OXR1: variants seen among roughly 807,000 people sequenced by gnomAD.
The protein encoded by OXR1 is oxidation resistance 1, also known as oxidation resistance protein 1.
OXR1 carries 41 observed loss-of-function variants against 104.6 expected under a neutral mutation model. That is an observed-to-expected ratio of 0.39 (90% CI 0.31 to 0.51). The LOEUF is 0.51. OXR1 is among the 20% of genes least tolerant of loss of function. The pLI is 0.77. For synonymous variants in OXR1, 348 were observed against 348.4 expected (o/e 1.00, Z 0.01); for missense variants, 955 against 1,031.9 (o/e 0.93, Z 1.02).
intron 2 of OXR1, among the ~76,000 whole-genome samples, chr8:106,419,635 G>C (rs946274769): frequency 1.3e-5 from 2 of 152,152 alleles, no homozygotes; most frequent in Non-Finnish European, 2.9e-5. Flanking sequence ...CCCCAGCTCT[G>C]TGTTCCTCTG....
intron 3 of OXR1, among the ~76,000 whole-genome samples, chr8:106,549,609 G>C (rs1032963155): frequency 1.3e-5 from 2 of 152,154 alleles, no homozygotes; most frequent in African/African-American, 4.8e-5. Flanking sequence ...CAACAGAAAT[G>C]TATTTTTCAT....
intron 2 of OXR1, among the ~76,000 whole-genome samples, chr8:106,412,225 G>T (rs750888456): frequency 6.6e-6 from 1 of 151,646 alleles, no homozygotes; most frequent in Non-Finnish European, 1.5e-5. Context: ...GACTATATCT[G>T]GCTGCCCCAG....
At chr8:106,742,686 A>C (rs1835021542) in intron 15 of OXR1, among the ~76,000 whole-genome samples, 1 of 152,204 alleles carries the variant, frequency 6.6e-6, no homozygotes, top group African/African-American at 2.4e-5. Context: ...TGACAAAAAT[A>C]AGCAATAGGG....
intron 2 of OXR1, among the ~76,000 whole-genome samples, chr8:106,368,664 G>T (rs1019629716): frequency 2.6e-5 from 4 of 151,766 alleles, no homozygotes; most frequent in Non-Finnish European, 5.9e-5. Flanking sequence ...TTGGTTTTCT[G>T]TTCCTGTGTT....
intron 3 of OXR1, among the ~76,000 whole-genome samples, chr8:106,648,376 C>T (rs1262006916): frequency 1.3e-5 from 2 of 152,162 alleles, no homozygotes; most frequent in Admixed American, 6.5e-5. Flanking sequence ...ATTCATCTAA[C>T]AATTAAGAAA....
At chr8:106,526,587 G>T (rs1433081057) in intron 3 of OXR1, among the ~76,000 whole-genome samples, 1 of 152,232 alleles carries the variant, frequency 6.6e-6, no homozygotes, top group Non-Finnish European at 1.5e-5. Context: ...CTGTCGCCCA[G>T]GCTGGAGTGC....
In OXR1 at chr8:106,379,764, A is replaced by G. The variant is rs541412702; in HGVS notation, c.23+20128A>G. ...CACCAAGTTGGCCAGGGTGGTCTCG[A>G]ACTCCTGGCCTCATGTGATCCATCT... On this transcript the variant is annotated intron_variant, in intron 2 of 16. Coordinates refer to ENST00000517566, the MANE Select transcript of OXR1 (RefSeq NM_001198533.2). Among the ~76,000 whole-genome samples, 10 of 151,920 alleles carry G rather than the reference A, an allele frequency of 6.6e-5. No individual in the cohort carries two copies. In the South Asian group the frequency reaches 2.1e-3, roughly 32 times the overall value.
intron 2 of OXR1, among the ~76,000 whole-genome samples, chr8:106,442,557 TC>T (rs1468261075): frequency 1.3e-5 from 2 of 152,148 alleles, no homozygotes; most frequent in African/African-American, 4.8e-5. Flanking sequence ...GGCTTTTTTT[TC>T]GTTGGTAGGC....
At chr8:106,532,849 G>A (rs1814196781) in intron 3 of OXR1, among the ~76,000 whole-genome samples, 1 of 152,114 alleles carries the variant, frequency 6.6e-6, no homozygotes, top group Non-Finnish European at 1.5e-5. Flanking sequence ...GAGTGTTGAA[G>A]CTATATGCCT....
chr8:106,679,145 A>T (rs1827896238), intron 3 of OXR1, 65 bp from the exon 4 acceptor site: 1 of 924,442 alleles, frequency 1.1e-6, no homozygotes, highest in Non-Finnish European at 1.8e-6. Flanking sequence ...AGCTCTATTC[A>T]GTAGTCCTTG....
chr8:106,434,352 T>C (rs966448087), intron 2 of OXR1, among the ~76,000 whole-genome samples: 4 of 152,192 alleles, frequency 2.6e-5, no homozygotes, highest in East Asian at 1.9e-4. Flanking sequence ...AAAAAGCTAA[T>C]TTTGTGACAG....
chr8:106,465,238 G>T (rs558268272), intron 2 of OXR1, among the ~76,000 whole-genome samples: 1 of 151,940 alleles, frequency 6.6e-6, no homozygotes, highest in Non-Finnish European at 1.5e-5. Context: ...TGGAAGGAAA[G>T]TAGGTACAAA....
At chr8:106,410,442 T>C (rs1222493179) in intron 2 of OXR1, among the ~76,000 whole-genome samples, 1 of 152,314 alleles carries the variant, frequency 6.6e-6, no homozygotes, top group Non-Finnish European at 1.5e-5. Context: ...AAGAAATATG[T>C]AATTCCTTCA....
intron 3 of OXR1, among the ~76,000 whole-genome samples, chr8:106,595,422 C>A (rs1364007558): frequency 1.3e-5 from 2 of 151,654 alleles, no homozygotes; most frequent in Non-Finnish European, 2.9e-5. Context: ...TGGTCGTGGG[C>A]GCTTGTAATC....
At chr8:106,542,114 CTT>C in intron 3 of OXR1, among the ~76,000 whole-genome samples, 2 of 152,228 alleles carry the variant, frequency 1.3e-5, no homozygotes, top group Middle Eastern at 3.4e-3. Context: ...TAAAGTGACC[CTT>C]TCTTTTACAA....
At chr8:106,284,342 G>T (rs1386601526) in intron 1 of OXR1, among the ~76,000 whole-genome samples, 4 of 152,072 alleles carry the variant, frequency 2.6e-5, no homozygotes, top group Non-Finnish European at 5.9e-5. Context: ...GGACACCAAA[G>T]ATGGTCAGAG....
chr8:106,612,015 A>C (rs1297602117), intron 3 of OXR1, among the ~76,000 whole-genome samples: 1 of 151,606 alleles, frequency 6.6e-6, no homozygotes, highest in Non-Finnish European at 1.5e-5. Flanking sequence ...TGACTGAGAG[A>C]GCTTGAATTA....
chr8:106,397,437 T>C (rs995854165), intron 2 of OXR1, among the ~76,000 whole-genome samples: 85 of 152,222 alleles, frequency 5.6e-4, no homozygotes, highest in African/African-American at 1.8e-3. Flanking sequence ...AAAGTACAAT[T>C]AACTTTTTAA....
intron 2 of OXR1, among the ~76,000 whole-genome samples, chr8:106,395,601 A>G (rs1241645944): frequency 6.6e-6 from 1 of 152,118 alleles, no homozygotes; most frequent in East Asian, 1.9e-4. Flanking sequence ...GGAAGCTACA[A>G]TTCAAGTTGA....
Sources: gnomAD v4.1 joint callset for allele counts (sites outside exome capture counted in the v4.1 genomes callset) on GRCh38, gnomAD v4.1.1 for gene constraint, MANE v1.5 for transcripts, NCBI Gene and HGNC (gene_info 2026-07-23, HGNC 2026-07-21) for gene names.